SLC12A7: variants seen among roughly 807,000 people sequenced by gnomAD.
SLC12A7 encodes solute carrier family 12 member 7.
SLC12A7 carries 100 observed loss-of-function variants against 120.6 expected under a neutral mutation model. The observed-to-expected ratio is 0.83, with a 90% CI of 0.71 to 0.98. The LOEUF is 0.98. Ranked by LOEUF, SLC12A7 falls within the 50% of genes least tolerant of loss-of-function variation. The probability of loss-of-function intolerance (pLI) is 0.00; values close to 1 mark genes in which losing one functional copy is unlikely to be tolerated. For missense variants in SLC12A7, 1,373 were observed against 1,548.1 expected, an observed-to-expected ratio of 0.89 and a Z score of 1.90; for synonymous variants, 760 against 678.0, an observed-to-expected ratio of 1.12 and a Z score of -1.88.
At chr5:1,105,644 T>C (rs1291353704) in intron 1 of SLC12A7, among the ~76,000 whole-genome samples, 1 of 152,242 alleles carries the variant, frequency 6.6e-6, no homozygotes, top group Non-Finnish European at 1.5e-5. Flanking sequence ...AACAGGCCTC[T>C]GCCCCCAAAA....
At position 1,052,048 on chromosome 5, in the gene SLC12A7, G is replaced by C. The variant is rs559476710; in HGVS notation, c.*312C>G. 5.2e-5 allele frequency: 21 copies of C among 404,326 alleles called. No homozygotes were observed. In the Admixed American group the frequency reaches 9.0e-4, roughly 17 times the overall value. 25.0% of individuals were successfully genotyped at this position (404,326 alleles called of 1,614,324 possible). On this transcript the variant is annotated 3_prime_UTR_variant, in exon 24 of 24. Transcript: ENST00000264930. Reference sequence around the variant, plus strand: ...AAGGAAAAGAACTTCCAGAAACCAAGGCAAGGGCTCACTGGCTTCTTGTGA... The same window carrying C: ...AAGGAAAAGAACTTCCAGAAACCAACGCAAGGGCTCACTGGCTTCTTGTGA...
At chr5:1,107,795 A>T (rs1315011344) in intron 1 of SLC12A7, among the ~76,000 whole-genome samples, 1 of 152,178 alleles carries the variant, frequency 6.6e-6, no homozygotes, top group Admixed American at 6.5e-5. Context: ...TTTGCAGAAG[A>T]GGAAACCATG....
rs577147675 is a variant in SLC12A7, at chr5:1,058,026, T to A, written c.2848-377A>T. 1.5e-3 allele frequency among the ~76,000 whole-genome samples: 221 copies of A among 152,298 alleles called. 1 individual carries two copies. Among genetic ancestry groups the A allele is most frequent in the Non-Finnish European group, 2.7e-3 (184 of 68,016 alleles). On this transcript the variant is annotated intron_variant, in intron 21 of 23. Transcript: ENST00000264930. ...CACGACCAGCACGCAGGCGTCCCCG[T>A]CTCAGGGAGGCTTGGGGCAGGTGGG...
At chr5:1,078,093 G>A in intron 11 of SLC12A7, 86 bp from the exon 12 acceptor site, 2 of 1,439,424 alleles carry the variant, frequency 1.4e-6, no homozygotes, top group Non-Finnish European at 9.2e-7. Context: ...AGAGCGAGGG[G>A]CCCAGTGCAG....
the SLC12A7 span, among the ~76,000 whole-genome samples, chr5:1,152,586 G>A: frequency 1.3e-5 from 2 of 151,194 alleles, no homozygotes; most frequent in Non-Finnish European, 3.0e-5. Flanking sequence ...GCTAGAGAAG[G>A]GAGTCCCCCA....
In SLC12A7 at chr5:1,105,074, C is replaced by T. The variant is rs186963212; in HGVS notation, c.124+6794G>A. Reference sequence around the variant, plus strand: ...CCCACCAGCCAAAGAGGAGCCTCCCCGCAGGGATGAGGTCCTGCAGTCACC... The same window carrying T: ...CCCACCAGCCAAAGAGGAGCCTCCCTGCAGGGATGAGGTCCTGCAGTCACC... On this transcript the variant is annotated intron_variant, in intron 1 of 23. Coordinates refer to ENST00000264930, the MANE Select transcript of SLC12A7 (RefSeq NM_006598.3). 5.7e-3 allele frequency among the ~76,000 whole-genome samples: 855 copies of T among 149,940 alleles called. 6 individuals are homozygous for T. The highest frequency in any genetic ancestry group is 0.02 in the African/African-American group (798 of 40,502).
At chr5:1,105,260 A>G (rs1339031198) in intron 1 of SLC12A7, among the ~76,000 whole-genome samples, 33 of 126,656 alleles carry the variant, frequency 2.6e-4, no homozygotes, top group African/African-American at 5.2e-4. Flanking sequence ...AGCCAAAGGG[A>G]ACCCTCCCCG....
In SLC12A7 at chr5:1,060,425, G is replaced by T. The variant is rs1442819897; in HGVS notation, c.2766C>A (p.Thr922=). ...EMVENDISAF[T]YERTLMMEQR... is the part of the protein sequence containing the mutation. The stretch of plus-strand genomic sequence containing the variant: ...GCTCCATCATTAGTGTCCTCTCGTA[G>T]GTGAAAGCAGATATGTCGTTTTCAA... Residue 922 remains threonine (T), a synonymous_variant, in exon 21 of 24, where the codon ACC becomes ACA. Coordinates refer to ENST00000264930, the MANE Select transcript of SLC12A7 (RefSeq NM_006598.3). The T allele has an allele frequency of 8.7e-6, 14 of 1,613,542 alleles. No homozygotes were observed. Among genetic ancestry groups the T allele is most frequent in the Non-Finnish European group, 1.2e-5 (14 of 1,179,888 alleles).
At chr5:1,090,870 G>A (rs968837872) in intron 3 of SLC12A7, among the ~76,000 whole-genome samples, 1 of 152,232 alleles carries the variant, frequency 6.6e-6, no homozygotes, top group African/African-American at 2.4e-5. Context: ...TTTCAGGCGC[G>A]GGAGGCTGGA....
chr5:1,088,877 G>A lies in SLC12A7; in HGVS notation c.489+105C>T, dbSNP rs376568270. 5.4e-5 allele frequency: 79 copies of A among 1,476,562 alleles called. 1 individual carries two copies. In the East Asian group the frequency reaches 8.9e-4, roughly 17 times the overall value. 91.5% of individuals were successfully genotyped at this position (1,476,562 alleles called of 1,614,324 possible). A position where few individuals can be genotyped will look rare whatever the true frequency, so the allele number is the denominator to read the frequency against. The stretch of plus-strand genomic sequence containing the variant: ...CCCTACTGTCCGGCTGCCACCGCCC[G>A]AAGGCACAACCACAGCGGCCAGGGG... On this transcript the variant is annotated intron_variant, in intron 4 of 23. Coordinates refer to ENST00000264930, the MANE Select transcript of SLC12A7 (RefSeq NM_006598.3).
the SLC12A7 span, among the ~76,000 whole-genome samples, chr5:1,140,485 C>G: frequency 1.8e-5 from 2 of 109,986 alleles, no homozygotes. Context: ...GAGTGGGTGC[C>G]CCCTGCTGGT....
At chr5:1,058,985 C>T (rs1024959328) in intron 21 of SLC12A7, among the ~76,000 whole-genome samples, 8 of 152,208 alleles carry the variant, frequency 5.3e-5, no homozygotes, top group African/African-American at 1.4e-4. Context: ...GGTCCCTCCT[C>T]GGTCAGCATT....
At chr5:1,134,351 T>TTA in the SLC12A7 span, among the ~76,000 whole-genome samples, 1 of 151,862 alleles carries the variant, frequency 6.6e-6, no homozygotes, top group Non-Finnish European at 1.5e-5. Flanking sequence ...ACATCTATAA[T>TTA]CCCAGCTACT....
chr5:1,121,790 C>T, the SLC12A7 span, among the ~76,000 whole-genome samples: 9 of 152,292 alleles, frequency 5.9e-5, no homozygotes, highest in East Asian at 3.9e-4. Flanking sequence ...CCCGGAGCCG[C>T]GCAGTTTCTC....
the SLC12A7 span, among the ~76,000 whole-genome samples, chr5:1,144,246 T>C: frequency 1.3e-5 from 2 of 151,990 alleles, no homozygotes; most frequent in African/African-American, 4.8e-5. Flanking sequence ...CGGGAGAGGA[T>C]GGTGTCTGGG....
chr5:1,144,480 A>G, the SLC12A7 span, among the ~76,000 whole-genome samples: 43 of 152,256 alleles, frequency 2.8e-4, no homozygotes, highest in African/African-American at 1.0e-3. Context: ...CATCATGACA[A>G]TTTGGGGGCA....
intron 10 of SLC12A7, among the ~76,000 whole-genome samples, chr5:1,079,142 G>A (rs1423589709): frequency 6.6e-6 from 1 of 152,114 alleles, no homozygotes; most frequent in Non-Finnish European, 1.5e-5. Flanking sequence ...CCCACACACC[G>A]CTGCGCATCA....
At chr5:1,084,549 CAG>C (rs1222353393) in intron 7 of SLC12A7, among the ~76,000 whole-genome samples, 4 of 152,236 alleles carry the variant, frequency 2.6e-5, no homozygotes, top group South Asian at 2.1e-4. Context: ...ACAGTCTACA[CAG>C]GGCCGTAGCG....
chr5:1,111,244 C>G (rs1202528134), intron 1 of SLC12A7, among the ~76,000 whole-genome samples: 1 of 152,142 alleles, frequency 6.6e-6, no homozygotes, highest in Non-Finnish European at 1.5e-5. Flanking sequence ...GTCCCCACCC[C>G]CTAGAGAAAG....
Sources: allele counts gnomAD v4.1 joint callset (sites outside exome capture counted in the v4.1 genomes callset), GRCh38; gene constraint gnomAD v4.1.1; transcripts MANE v1.5; gene names NCBI Gene and HGNC (gene_info 2026-07-23, HGNC 2026-07-21).